The following VEPH1 variants were observed in gnomAD, a reference collection of about 807,000 sequenced individuals.
The protein encoded by VEPH1 is ventricular zone expressed PH domain containing 1.
VEPH1 carries 80 observed loss-of-function variants against 85.2 expected under a neutral mutation model. That is an observed-to-expected ratio of 0.94 (90% CI 0.78 to 1.13). The LOEUF is 1.13. Ranked by LOEUF, VEPH1 falls within the 50% of genes most tolerant of loss-of-function variation. The pLI is 0.00. For synonymous variants in VEPH1, 297 were observed against 348.0 expected (o/e 0.85, Z 1.63); for missense variants, 955 against 980.5 (o/e 0.97, Z 0.35).
At chr3:157,379,035 G>A (rs1015155148) in intron 7 of VEPH1, among the ~76,000 whole-genome samples, 13 of 152,122 alleles carry the variant, frequency 8.5e-5, no homozygotes, top group Admixed American at 4.6e-4. Flanking sequence ...TTAGTTACTC[G>A]TGATTTACTT....
At chr3:157,292,257 TTGCTCTGGTG>T (rs1454284524) in intron 11 of VEPH1, among the ~76,000 whole-genome samples, 1 of 152,136 alleles carries the variant, frequency 6.6e-6, no homozygotes, top group African/African-American at 2.4e-5. Context: ...GCTCCCCGAG[TTGCTCTGGTG>T]TGCCCTGACT....
chr3:157,459,031 C>A (rs1735607888), intron 4 of VEPH1, among the ~76,000 whole-genome samples: 1 of 152,170 alleles, frequency 6.6e-6, no homozygotes, highest in Non-Finnish European at 1.5e-5. Flanking sequence ...TGCTCTGGGG[C>A]CTCTCTACCA....
intron 3 of VEPH1, among the ~76,000 whole-genome samples, chr3:157,464,162 C>T (rs1189128819): frequency 1.3e-5 from 2 of 152,168 alleles, no homozygotes; most frequent in African/African-American, 4.8e-5. Flanking sequence ...AAAAAAGTTA[C>T]TTATTAGAGC....
Position 157,460,320 on chromosome 3 carries a change from G to A in VEPH1, c.390C>T (p.Ile130=), listed in dbSNP as rs1424535389. ...YNRPPVMALA[I]PIAVKFLHRG... ...TGTGGAGGAATTTCACTGCAATGGG[G>A]ATGGCTAATGCCATCACTGGGGGTC... The change falls in exon 4 of 14, where the codon ATC becomes ATT. Residue 130 remains isoleucine (I), a synonymous_variant. Transcript: ENST00000362010. 4.3e-6 allele frequency: 7 copies of A among 1,614,108 alleles called. No homozygotes were observed. The highest frequency in any genetic ancestry group is 1.1e-5 in the South Asian group (1 of 91,074).
In VEPH1 at chr3:157,331,473, C is replaced by T. The variant is rs117055960; in HGVS notation, c.1736-14272G>A. 3.3e-5 allele frequency among the ~76,000 whole-genome samples: 5 copies of T among 152,320 alleles called. No individual in the cohort carries two copies. The East Asian group carries it at 9.6e-4, about 29-fold the overall frequency. On this transcript the variant is annotated intron_variant, in intron 9 of 13. Transcript: ENST00000362010. ...GCCTTGTGGCCAAGACTCTGCTTTA[C>T]GATTCAACCAAACCTCACTTCACTT... is the stretch of plus-strand genomic sequence containing the variant.
chr3:157,492,459 T>G (rs1047574800), intron 2 of VEPH1, among the ~76,000 whole-genome samples: 4 of 152,112 alleles, frequency 2.6e-5, no homozygotes, highest in African/African-American at 9.7e-5. Flanking sequence ...GGCTACAACA[T>G]GAGGTGCTGT....
At chr3:157,277,186 T>A (rs936456958) in intron 12 of VEPH1, among the ~76,000 whole-genome samples, 5 of 152,212 alleles carry the variant, frequency 3.3e-5, no homozygotes, top group African/African-American at 1.2e-4. Context: ...CCCCTGTGCC[T>A]GGCTGATAAT....
chr3:157,354,875 A>G (rs1424457210), intron 9 of VEPH1, among the ~76,000 whole-genome samples: 1 of 152,118 alleles, frequency 6.6e-6, no homozygotes, highest in African/African-American at 2.4e-5. Context: ...AGCCCCCTCT[A>G]CAGACTAATC....
chr3:157,386,173 A>G (rs546690944), intron 6 of VEPH1, among the ~76,000 whole-genome samples: 15 of 142,826 alleles, frequency 1.1e-4, no homozygotes, highest in Admixed American at 3.9e-4. Context: ...CATTTTCTGG[A>G]TAATGTCTAC....
At chr3:157,433,293 T>TA (rs1331513204) in intron 4 of VEPH1, among the ~76,000 whole-genome samples, 1 of 152,188 alleles carries the variant, frequency 6.6e-6, no homozygotes, top group Admixed American at 6.5e-5. Flanking sequence ...CGGGTATCCT[T>TA]GTGTTAATCC....
intron 1 of VEPH1, among the ~76,000 whole-genome samples, chr3:157,495,732 A>C (rs533886713): frequency 6.6e-6 from 1 of 152,334 alleles, no homozygotes; most frequent in Admixed American, 6.5e-5. Context: ...TTTGAACTTT[A>C]AAAGTCAACA....
intron 11 of VEPH1, among the ~76,000 whole-genome samples, chr3:157,301,259 G>A (rs924643140): frequency 2.6e-5 from 4 of 152,188 alleles, no homozygotes; most frequent in African/African-American, 4.8e-5. Flanking sequence ...TTTTGAAGGC[G>A]AAGAGTAGAG....
intron 9 of VEPH1, among the ~76,000 whole-genome samples, chr3:157,353,727 C>G (rs981273829): frequency 6.6e-6 from 1 of 151,958 alleles, no homozygotes; most frequent in African/African-American, 2.4e-5. Flanking sequence ...TATCATAGCA[C>G]TTAACGCTTT....
intron 10 of VEPH1, among the ~76,000 whole-genome samples, chr3:157,315,148 G>A (rs1165289647): frequency 6.6e-6 from 1 of 152,038 alleles, no homozygotes; most frequent in Admixed American, 6.5e-5. Flanking sequence ...AAGCACTGGT[G>A]TATGAGACTA....
At chr3:157,265,011 C>G (rs1230907179) in intron 13 of VEPH1, among the ~76,000 whole-genome samples, 7 of 152,054 alleles carry the variant, frequency 4.6e-5, no homozygotes, top group Admixed American at 4.6e-4. Context: ...TTAATTTGAT[C>G]ATAATTCTAT....
chr3:157,364,976 C>T (rs1439609773), intron 7 of VEPH1, among the ~76,000 whole-genome samples: 2 of 152,114 alleles, frequency 1.3e-5, no homozygotes, highest in Non-Finnish European at 2.9e-5. Context: ...ACTCTTATAC[C>T]TTCCAAGGAG....
Position 157,495,247 on chromosome 3 carries a change from C to A in VEPH1, c.103G>T (p.Ala35Ser), listed in dbSNP as rs376272538. ...DSEIEDSLTE[A>S]LEQIKIISSS... ...CTAATTATCTTAATTTGCTCCAAAG[C>A]TTCTGTAAGGCTGTCTTCAATCTCA... The change falls in exon 2 of 14, where the codon GCT (alanine) becomes TCT (serine). Residue 35 changes from alanine (A) to serine (S), a missense_variant. Physicochemically the swap from Ala to Ser is moderately conservative, Grantham distance 99. Transcript: ENST00000362010. 8 of 1,613,862 alleles carry A rather than the reference C, an allele frequency of 5.0e-6. No individual in the cohort carries two copies. The highest frequency in any genetic ancestry group is 6.8e-6 in the Non-Finnish European group (8 of 1,179,924).
At chr3:157,282,080 A>T (rs960372613) in intron 12 of VEPH1, among the ~76,000 whole-genome samples, 2 of 151,986 alleles carry the variant, frequency 1.3e-5, no homozygotes, top group Non-Finnish European at 2.9e-5. Context: ...TGTCTGAAAA[A>T]ACTCTCCTGA....
chr3:157,346,255 A>AT (rs551939345), intron 9 of VEPH1, among the ~76,000 whole-genome samples: 342 of 152,302 alleles, frequency 2.2e-3, no homozygotes, highest in African/African-American at 7.9e-3. Flanking sequence ...TCTTGATAAG[A>AT]TTTCTATTAT....
Sources: allele counts gnomAD v4.1 joint callset (sites outside exome capture counted in the v4.1 genomes callset), GRCh38; gene constraint gnomAD v4.1.1; transcripts MANE v1.5; gene names NCBI Gene and HGNC (gene_info 2026-07-23, HGNC 2026-07-21).